CAMK2D: variants seen among roughly 807,000 people sequenced by gnomAD.
CAMK2D encodes the protein calcium/calmodulin-dependent protein kinase type II subunit delta.
In CAMK2D, 37 loss-of-function variants were observed where a neutral mutation model predicts 84.0. The ratio of observed to expected loss-of-function variants is 0.44; its 90% CI spans 0.34 to 0.58. The LOEUF is 0.58. Ranked by LOEUF, CAMK2D falls within the 20% of genes least tolerant of loss-of-function variation. The probability of loss-of-function intolerance (pLI) is 0.02; values close to 1 mark genes in which losing one functional copy is unlikely to be tolerated. For synonymous variants in CAMK2D, 202 were observed against 212.5 expected (o/e 0.95, Z 0.43); for missense variants, 448 against 652.5 (o/e 0.69, Z 3.41).
At chr4:113,516,460 C>T (rs1012618161) in intron 9 of CAMK2D, among the ~76,000 whole-genome samples, 10 of 152,130 alleles carry the variant, frequency 6.6e-5, no homozygotes, top group Admixed American at 2.0e-4. Context: ...TTCAGGGCTA[C>T]GTCTGCCCAG....
At chr4:113,713,893 G>A (rs1269003215) in intron 2 of CAMK2D, among the ~76,000 whole-genome samples, 2 of 151,026 alleles carry the variant, frequency 1.3e-5, no homozygotes, top group Non-Finnish European at 3.0e-5. Flanking sequence ...TTTTTTGGGG[G>A]GGTGCATTTA....
chr4:113,706,889 AAT>A (rs972529051), intron 2 of CAMK2D, among the ~76,000 whole-genome samples: 1 of 152,188 alleles, frequency 6.6e-6, no homozygotes, highest in Non-Finnish European at 1.5e-5. Context: ...TTAACAACAC[AAT>A]CACTTTGAAT....
At chr4:113,471,690 G>A (rs1197488701) in intron 16 of CAMK2D, among the ~76,000 whole-genome samples, 3 of 151,842 alleles carry the variant, frequency 2.0e-5, no homozygotes, top group Admixed American at 1.3e-4. Flanking sequence ...TCAGGCTCTC[G>A]GAAGTTCCTG....
chr4:113,740,387 G>GA (rs34846308), intron 2 of CAMK2D, among the ~76,000 whole-genome samples: 107,077 of 151,360 alleles, frequency 0.71, 38,656 homozygotes, highest in African/African-American at 0.85. Flanking sequence ...AAGCCAATCA[G>GA]AAAAAAAAAT....
At chr4:113,489,073 A>G (rs1440885876) in intron 16 of CAMK2D, among the ~76,000 whole-genome samples, 1 of 152,214 alleles carries the variant, frequency 6.6e-6, no homozygotes, top group African/African-American at 2.4e-5. Context: ...TGCATCAGTC[A>G]TATAAGTTAC....
intron 16 of CAMK2D, among the ~76,000 whole-genome samples, chr4:113,470,289 AC>A (rs201769349): frequency 5.4e-5 from 8 of 148,938 alleles, no homozygotes; most frequent in East Asian, 2.0e-4. Flanking sequence ...GGAAAACTGC[AC>A]CCCCCCCATT....
At chr4:113,478,784 A>G (rs2097662054) in intron 16 of CAMK2D, among the ~76,000 whole-genome samples, 1 of 152,202 alleles carries the variant, frequency 6.6e-6, no homozygotes, top group African/African-American at 2.4e-5. Context: ...TCTACTTAAA[A>G]TACTCACGGC....
chr4:113,491,054 G>C (rs1197129862), intron 16 of CAMK2D, among the ~76,000 whole-genome samples: 2 of 54,874 alleles, frequency 3.6e-5, no homozygotes, highest in Non-Finnish European at 7.0e-5. Context: ...TGAGACAATG[G>C]GGTTTTCTAG....
chr4:113,523,535 G>A (rs1032151750), intron 8 of CAMK2D, among the ~76,000 whole-genome samples: 1 of 152,122 alleles, frequency 6.6e-6, no homozygotes, highest in African/African-American at 2.4e-5. Flanking sequence ...CACTTTGGGA[G>A]GCCGAAGTGG....
intron 2 of CAMK2D, among the ~76,000 whole-genome samples, chr4:113,741,546 G>T (rs2099592936): frequency 6.6e-6 from 1 of 152,054 alleles, no homozygotes; most frequent in Non-Finnish European, 1.5e-5. Context: ...GACACCAACT[G>T]GGGGTCTTGG....
chr4:113,650,689 G>A lies in CAMK2D; in HGVS notation c.220+11024C>T, dbSNP rs565590430. ...TGAAAGTGAGCATTTTGCTCTAAAT[G>A]AAAAATAGATAAGACAAAGCATAGC... On this transcript the variant is annotated intron_variant, in intron 3 of 20. Transcript: ENST00000511664. Among the ~76,000 whole-genome samples, 59 of 152,182 alleles carry A rather than the reference G, an allele frequency of 3.9e-4. No homozygotes were observed. The South Asian group carries it at 0.011, about 29-fold the overall frequency.
At chr4:113,612,919 T>C (rs1207611507) in intron 3 of CAMK2D, among the ~76,000 whole-genome samples, 1 of 152,178 alleles carries the variant, frequency 6.6e-6, no homozygotes, top group Admixed American at 6.6e-5. Flanking sequence ...ATTTGAATGA[T>C]TGCAGGATCG....
rs371200776 is a variant in CAMK2D at position 113,681,867 on chromosome 4, A to T, written c.161-20095T>A. On this transcript the variant is annotated intron_variant, in intron 2 of 20. Transcript: ENST00000511664. The stretch of plus-strand genomic sequence containing the variant: ...ACATATGCCAGTAACATATTCAATT[A>T]AAAAAAAAAAACAGCCTTTTCCAGT... Among the ~76,000 whole-genome samples the T allele has an allele frequency of 1.0e-3, 148 of 141,878 alleles. 1 individual carries two copies. The highest frequency in any genetic ancestry group is 3.7e-3 in the African/African-American group (141 of 38,008). The allele number at this position is 141,878 out of a possible 152,430, so 93.1% of individuals were successfully genotyped here.
chr4:113,548,515 G>A, intron 5 of CAMK2D: 1 of 539,086 alleles, frequency 1.9e-6, no homozygotes, highest in Non-Finnish European at 3.3e-6. Context: ...GAGGCATCAT[G>A]CATTATCATT....
chr4:113,654,635 G>A (rs143945200), intron 3 of CAMK2D, among the ~76,000 whole-genome samples: 136 of 152,068 alleles, frequency 8.9e-4, no homozygotes, highest in African/African-American at 3.2e-3. Flanking sequence ...CAATCTTGCT[G>A]CTTCAAGTTA....
chr4:113,597,867 A>C (rs2098934251), intron 4 of CAMK2D, among the ~76,000 whole-genome samples: 1 of 152,152 alleles, frequency 6.6e-6, no homozygotes, highest in African/African-American at 2.4e-5. Context: ...TATTGGTTTA[A>C]TTTCAATATC....
chr4:113,662,192 C>T (rs2099236409), intron 2 of CAMK2D, among the ~76,000 whole-genome samples: 1 of 152,018 alleles, frequency 6.6e-6, no homozygotes, highest in Non-Finnish European at 1.5e-5. Flanking sequence ...ATATTTTATC[C>T]CTAATGGAGA....
At position 113,453,319 on chromosome 4, in the gene CAMK2D, GTGA is replaced by G. The variant is rs2097270897; in HGVS notation, c.*1223_*1225del. 6.6e-6 allele frequency: 1 copy of G among 152,166 alleles called. No homozygotes were observed. The highest frequency in any genetic ancestry group is 1.5e-5 in the Non-Finnish European group (1 of 68,026). 9.4% of individuals were successfully genotyped at this position (152,166 alleles called of 1,614,324 possible). On this transcript the variant is annotated 3_prime_UTR_variant, in exon 21 of 21. Transcript: ENST00000511664. ...CTCTCTAACACTAGAAAACTAGCTA[GTGA>G]TGATGCAGAAGTGACCCTTTCATTC... is the stretch of plus-strand genomic sequence containing the variant.
chr4:113,623,402 A>ACC (rs937844237), intron 3 of CAMK2D, among the ~76,000 whole-genome samples: 1 of 151,170 alleles, frequency 6.6e-6, no homozygotes, highest in Non-Finnish European at 1.5e-5. Context: ...ACACACACAC[A>ACC]CCCACACAGA....
Sources: gnomAD v4.1 joint callset for allele counts (sites outside exome capture counted in the v4.1 genomes callset) on GRCh38, gnomAD v4.1.1 for gene constraint, MANE v1.5 for transcripts, NCBI Gene and HGNC (gene_info 2026-07-23, HGNC 2026-07-21) for gene names.